DNAH8: variants seen among roughly 807,000 people sequenced by gnomAD.
DNAH8 encodes dynein axonemal heavy chain 8.
DNAH8 carries 382 observed loss-of-function variants against 562.1 expected under a neutral mutation model. The observed-to-expected ratio is 0.68, with a 90% confidence interval of 0.63 to 0.74. The LOEUF (loss-of-function observed/expected upper bound fraction) is 0.74, where lower values mean the gene tolerates loss of function less well. Among genes scored for constraint, DNAH8 ranks in the 30% least tolerant of loss-of-function variants. The pLI is 0.00. For synonymous variants in DNAH8, 1,881 were observed against 1,919.4 expected (o/e 0.98, Z 0.52); for missense variants, 5,203 against 5,620.4 (o/e 0.93, Z 2.37).
chr6:38,784,603 G>A (rs915260774), intron 17 of DNAH8, among the ~76,000 whole-genome samples: 4 of 152,170 alleles, frequency 2.6e-5, no homozygotes, highest in African/African-American at 9.7e-5. Context: ...TGTTTCATCT[G>A]ATATCCTTTA....
intron 1 of DNAH8, among the ~76,000 whole-genome samples, chr6:38,717,234 G>C (rs566810844): frequency 1.3e-4 from 20 of 152,316 alleles, no homozygotes; most frequent in Admixed American, 1.2e-3. Flanking sequence ...CCCAGAGAAA[G>C]TGAACAAGTG....
intron 88 of DNAH8, among the ~76,000 whole-genome samples, chr6:38,991,779 C>T (rs945423695): frequency 6.6e-6 from 1 of 152,174 alleles, no homozygotes; most frequent in African/African-American, 2.4e-5. Context: ...CCTGGAACCT[C>T]CCTCCTCCTA....
At chr6:38,738,112 T>G in intron 7 of DNAH8, 140 bp downstream of exon 7, 1 of 748,290 alleles carries the variant, frequency 1.3e-6, no homozygotes, top group Non-Finnish European at 2.1e-6. Context: ...CAGCCAATTT[T>G]TGGGTCTAGA....
intron 57 of DNAH8, among the ~76,000 whole-genome samples, chr6:38,887,922 T>C (rs939392882): frequency 1.4e-5 from 2 of 143,760 alleles, no homozygotes; most frequent in African/African-American, 5.2e-5. Context: ...CTGCAACCGC[T>C]GACTCCTGGG....
intron 52 of DNAH8, 95 bp downstream of exon 52, chr6:38,873,471 TC>T: frequency 9.0e-7 from 1 of 1,107,298 alleles, no homozygotes; most frequent in Non-Finnish European, 1.3e-6. Flanking sequence ...GTTCAGACAG[TC>T]CATAAAAATC....
At chr6:38,886,749 G>T in intron 56 of DNAH8, 42 bp from the exon 57 acceptor site, 1 of 1,414,000 alleles carries the variant, frequency 7.1e-7, no homozygotes, top group Non-Finnish European at 1.0e-6. Flanking sequence ...GGAGGAATAT[G>T]ATAGTGATAT....
chr6:38,838,532 G>C (rs1327280639), intron 33 of DNAH8, among the ~76,000 whole-genome samples: 1 of 152,014 alleles, frequency 6.6e-6, no homozygotes, highest in Non-Finnish European at 1.5e-5. Context: ...CCGAATAGCT[G>C]GGACTACAGG....
chr6:38,850,226 T>C, intron 37 of DNAH8, 25 bp from the exon 38 acceptor site: 1 of 1,605,326 alleles, frequency 6.2e-7, no homozygotes, highest in South Asian at 1.1e-5. Context: ...ATGCTAATCT[T>C]TACTGGCTAT....
intron 22 of DNAH8, 43 bp from the exon 23 acceptor site, chr6:38,805,438 A>G: frequency 7.8e-7 from 1 of 1,279,140 alleles, no homozygotes; most frequent in Non-Finnish European, 1.1e-6. Context: ...AGACAATGCT[A>G]AAAAGTCAAA....
intron 47 of DNAH8, 89 bp from the exon 48 acceptor site, chr6:38,867,973 C>A: frequency 7.6e-7 from 1 of 1,308,248 alleles, no homozygotes. Flanking sequence ...ATATAAGTAT[C>A]AGAATCGACC....
intron 87 of DNAH8, 192 bp downstream of exon 87, chr6:38,984,499 A>C: frequency 1.8e-6 from 1 of 550,398 alleles, no homozygotes; most frequent in Non-Finnish European, 3.2e-6. Flanking sequence ...CACACACAAC[A>C]ACCAGCAATT....
At chr6:38,862,247 A>T (rs1008237160) in intron 43 of DNAH8, 33 bp from the exon 44 acceptor site, 3 of 1,593,078 alleles carry the variant, frequency 1.9e-6, no homozygotes, top group Non-Finnish European at 2.6e-6. Flanking sequence ...GTCATCCCAT[A>T]CTCACAATGC....
rs759633396 is a variant in DNAH8 at position 38,755,990 on chromosome 6, A to G, written c.1426A>G (p.Ile476Val). Reference sequence around the variant, plus strand: ...ATGTTAGGTTTCCATGGCACATGGAATACAAAATTTGATTAATGCCATCAG... The same window carrying G: ...ATGTTAGGTTTCCATGGCACATGGAGTACAAAATTTGATTAATGCCATCAG... ...NHDLVSMAHG[I>V]QNLINAIRMI... Residue 476 changes from isoleucine (I) to valine (V), a missense_variant, in exon 10 of 93, where the codon ATA (isoleucine) becomes GTA (valine). This residue lies in a region of DNAH8 where 2,176 missense variants were observed against 2,365.1 expected (regional missense o/e 0.92). Transcript: ENST00000327475. 1.4e-5 allele frequency: 22 copies of G among 1,605,486 alleles called. No individual in the cohort carries two copies. The East Asian group carries it at 4.9e-4, about 36-fold the overall frequency.
intron 1 of DNAH8, among the ~76,000 whole-genome samples, chr6:38,716,094 G>A (rs1762322540): frequency 1.3e-5 from 2 of 149,180 alleles, no homozygotes; most frequent in Admixed American, 6.7e-5. Flanking sequence ...GAGTAGCTGG[G>A]GCTACAGGCA....
chr6:38,722,311 A>C (rs975968593), intron 1 of DNAH8, among the ~76,000 whole-genome samples: 3 of 152,238 alleles, frequency 2.0e-5, no homozygotes, highest in African/African-American at 7.2e-5. Flanking sequence ...TGCATTACAT[A>C]GTTCCTTGAA....
intron 8 of DNAH8, 90 bp downstream of exon 8, chr6:38,741,977 G>T: frequency 9.2e-7 from 1 of 1,081,658 alleles, no homozygotes; most frequent in Non-Finnish European, 1.3e-6. Flanking sequence ...ATAATATACT[G>T]GAATCGTGTT....
At chr6:38,770,268 A>G (rs1767427851) in intron 11 of DNAH8, 145 bp from the exon 12 acceptor site, 1 of 483,748 alleles carries the variant, frequency 2.1e-6, no homozygotes, top group South Asian at 3.6e-5. Context: ...GGTTGAAATG[A>G]GGATGAAAAT....
At chr6:38,720,395 T>C (rs1762657903) in intron 1 of DNAH8, among the ~76,000 whole-genome samples, 1 of 152,122 alleles carries the variant, frequency 6.6e-6, no homozygotes, top group Admixed American at 6.5e-5. Flanking sequence ...CATCCCACAG[T>C]TCCCTTAAGC....
chr6:38,924,210 T>C (rs773508854), intron 73 of DNAH8, 48 bp downstream of exon 73: 1 of 1,591,410 alleles, frequency 6.3e-7, no homozygotes, highest in Non-Finnish European at 8.6e-7. Context: ...CTCATTTTAT[T>C]TCTTACTTAC....
Sources: gnomAD v4.1 joint callset for allele counts (sites outside exome capture counted in the v4.1 genomes callset) on GRCh38, gnomAD v4.1.1 for gene constraint, gnomAD v4.1.1 regional missense constraint, MANE v1.5 for transcripts, NCBI Gene and HGNC (gene_info 2026-07-23, HGNC 2026-07-21) for gene names.